The following LRRC4C variants were observed in gnomAD, a reference collection of about 807,000 sequenced individuals.
LRRC4C encodes leucine rich repeat containing 4C.
LRRC4C carries 5 observed loss-of-function variants against 33.6 expected under a neutral mutation model. That is an observed-to-expected ratio of 0.15 (90% CI 0.08 to 0.31). The LOEUF (loss-of-function observed/expected upper bound fraction) is 0.31. Among genes scored for constraint, LRRC4C ranks in the 10% least tolerant of loss-of-function variants. The pLI is 1.00. For missense variants in LRRC4C, 560 were observed against 796.7 expected (o/e 0.70, Z 3.58); for synonymous variants, 329 against 302.0 (o/e 1.09, Z -0.93).
chr11:41,311,731 T>C (rs770128878), intron 1 of LRRC4C, among the ~76,000 whole-genome samples: 1 of 152,202 alleles, frequency 6.6e-6, no homozygotes, highest in Non-Finnish European at 1.5e-5. Context: ...ATTTACTAAA[T>C]GACATTAAAT....
At chr11:40,413,134 A>G (rs1216526446) in intron 3 of LRRC4C, among the ~76,000 whole-genome samples, 2 of 152,054 alleles carry the variant, frequency 1.3e-5, no homozygotes, top group African/African-American at 4.8e-5. Context: ...ATCTACTACG[A>G]CTAACAGAAT....
intron 1 of LRRC4C, among the ~76,000 whole-genome samples, chr11:41,246,457 G>A (rs1437873512): frequency 6.6e-6 from 1 of 152,190 alleles, no homozygotes; most frequent in Non-Finnish European, 1.5e-5. Context: ...GCCCCTGAGA[G>A]TGCAGAGATG....
chr11:41,288,939 C>T (rs1243740662), intron 1 of LRRC4C, among the ~76,000 whole-genome samples: 1 of 151,204 alleles, frequency 6.6e-6, no homozygotes, highest in South Asian at 2.1e-4. Flanking sequence ...TTTTTAAGAG[C>T]TCACTTGATA....
intron 2 of LRRC4C, among the ~76,000 whole-genome samples, chr11:40,876,757 G>T (rs569534856): frequency 4.0e-5 from 6 of 151,872 alleles, no homozygotes; most frequent in Non-Finnish European, 8.8e-5. Context: ...ACAAAAATTA[G>T]CTGGGTGTGG....
At chr11:41,198,429 A>G (rs575458829) in intron 1 of LRRC4C, among the ~76,000 whole-genome samples, 25 of 152,212 alleles carry the variant, frequency 1.6e-4, no homozygotes, top group African/African-American at 5.8e-4. Flanking sequence ...TCTTTTATCA[A>G]TATCAATATT....
chr11:40,915,145 C>T (rs1303672275), intron 2 of LRRC4C, among the ~76,000 whole-genome samples: 1 of 151,974 alleles, frequency 6.6e-6, no homozygotes, highest in Non-Finnish European at 1.5e-5. Context: ...GATTCAATGC[C>T]GTCTCCATCA....
intron 3 of LRRC4C, among the ~76,000 whole-genome samples, chr11:40,397,762 A>G (rs1949600753): frequency 6.6e-6 from 1 of 152,122 alleles, no homozygotes; most frequent in Admixed American, 6.6e-5. Context: ...GGCGGAAGGC[A>G]TAGCAGAAGG....
chr11:40,548,390 C>G (rs1957007637), intron 3 of LRRC4C, among the ~76,000 whole-genome samples: 1 of 151,940 alleles, frequency 6.6e-6, no homozygotes, highest in Non-Finnish European at 1.5e-5. Flanking sequence ...AACACACAGA[C>G]AGATCACACA....
chr11:41,325,036 A>G (rs528296556), intron 1 of LRRC4C, among the ~76,000 whole-genome samples: 3 of 152,348 alleles, frequency 2.0e-5, no homozygotes, highest in Admixed American at 6.5e-5. Context: ...AAACCATAAC[A>G]CAGTATGTTA....
chr11:41,442,541 C>T, intron 1 of LRRC4C, among the ~76,000 whole-genome samples: 1 of 130,380 alleles, frequency 7.7e-6, no homozygotes, highest in East Asian at 2.3e-4. Context: ...ACAATCTCGG[C>T]TCACTGCAAG....
intron 3 of LRRC4C, among the ~76,000 whole-genome samples, chr11:40,537,226 G>T (rs1565484185): frequency 1.3e-5 from 2 of 152,214 alleles, no homozygotes; most frequent in Non-Finnish European, 2.9e-5. Context: ...AGAAAAGAGA[G>T]TCTGTGATGA....
At chr11:40,515,525 C>T (rs1039384214) in intron 3 of LRRC4C, among the ~76,000 whole-genome samples, 5 of 152,066 alleles carry the variant, frequency 3.3e-5, no homozygotes, top group Middle Eastern at 3.4e-3. Flanking sequence ...ACATTTTTAT[C>T]CCATGGAGCA....
At chr11:41,195,702 T>A (rs1360799890) in intron 1 of LRRC4C, among the ~76,000 whole-genome samples, 1 of 152,080 alleles carries the variant, frequency 6.6e-6, no homozygotes, top group African/African-American at 2.4e-5. Flanking sequence ...TTATATGGAA[T>A]GGAGGAAGGC....
intron 1 of LRRC4C, among the ~76,000 whole-genome samples, chr11:41,017,230 C>T (rs1292771314): frequency 6.6e-6 from 1 of 152,126 alleles, no homozygotes; most frequent in Non-Finnish European, 1.5e-5. Flanking sequence ...GTTGAACAAA[C>T]ATTTGGGTCA....
intron 3 of LRRC4C, among the ~76,000 whole-genome samples, chr11:40,504,414 G>T (rs1335848407): frequency 6.6e-6 from 1 of 151,988 alleles, no homozygotes; most frequent in Non-Finnish European, 1.5e-5. Flanking sequence ...TCCATCCTCA[G>T]TTCCCACAGA....
intron 2 of LRRC4C, among the ~76,000 whole-genome samples, chr11:40,900,524 T>C (rs1385596334): frequency 1.3e-5 from 2 of 152,124 alleles, no homozygotes; most frequent in Non-Finnish European, 2.9e-5. Flanking sequence ...GGATGATAGC[T>C]ATGTTAAATC....
At chr11:40,980,769 A>T (rs1026402965) in intron 1 of LRRC4C, among the ~76,000 whole-genome samples, 7 of 152,172 alleles carry the variant, frequency 4.6e-5, no homozygotes, top group Non-Finnish European at 1.0e-4. Flanking sequence ...TTCATAAAAC[A>T]AGGGCTTATT....
chr11:40,117,429 T>A (rs2134607837), intron 6 of LRRC4C, among the ~76,000 whole-genome samples: 1 of 152,318 alleles, frequency 6.6e-6, no homozygotes, highest in East Asian at 1.9e-4. Flanking sequence ...CCATGAAGCA[T>A]AATTTTTATT....
At chr11:40,731,687 C>A (rs1055989344) in intron 2 of LRRC4C, among the ~76,000 whole-genome samples, 1 of 152,080 alleles carries the variant, frequency 6.6e-6, no homozygotes, top group African/African-American at 2.4e-5. Context: ...ATACAAACAA[C>A]AAAATCTCTG....
Sources: gnomAD v4.1 joint callset for allele counts (sites outside exome capture counted in the v4.1 genomes callset) on GRCh38, gnomAD v4.1.1 for gene constraint, MANE v1.5 for transcripts, NCBI Gene and HGNC (gene_info 2026-07-23, HGNC 2026-07-21) for gene names.